MRPS11: variants seen among roughly 807,000 people sequenced by gnomAD.
MRPS11 encodes mitochondrial ribosomal protein S11, also known as small ribosomal subunit protein uS11m.
In MRPS11, 27 loss-of-function variants were observed where a neutral mutation model predicts 24.3. The observed-to-expected ratio is 1.11, with a 90% CI of 0.82 to 1.53. MRPS11 has a LOEUF of 1.53. Among genes scored for constraint, MRPS11 ranks in the 40% most tolerant of loss-of-function variants. MRPS11 has a pLI of 0.00. For synonymous variants in MRPS11, 104 were observed against 98.7 expected, an observed-to-expected ratio of 1.05 and a Z score of -0.32; for missense variants, 277 against 256.5, an observed-to-expected ratio of 1.08 and a Z score of -0.55.
At chr15:88,470,825 A>G (rs1190468049) in intron 2 of MRPS11, among the ~76,000 whole-genome samples, 1 of 152,214 alleles carries the variant, frequency 6.6e-6, no homozygotes, top group Non-Finnish European at 1.5e-5. Context: ...GGGCTCTGCT[A>G]TAAGGGAATA....
Position 88,475,837 on chromosome 15 carries a change from G to T in MRPS11, c.411+598G>T, listed in dbSNP as rs1319052575. ...CTGGGCGTGGTGGTGCGCGCCTGTA[G>T]TCCCAGGTACTCGGGAGGCTGAGGC... On this transcript the variant is annotated intron_variant, in intron 4 of 5. Transcript: ENST00000325844. This position sits in a 1 kb window ranked among gnomAD's most constrained non-coding sequence, Gnocchi z 4.1. Among the ~76,000 whole-genome samples the T allele has an allele frequency of 6.6e-6, 1 of 152,088 alleles. No individual in the cohort carries two copies. Among genetic ancestry groups the T allele is most frequent in the Non-Finnish European group, 1.5e-5 (1 of 68,014 alleles).
At chr15:88,470,574 AT>A (rs1252052095) in intron 2 of MRPS11, among the ~76,000 whole-genome samples, 1 of 152,158 alleles carries the variant, frequency 6.6e-6, no homozygotes, top group African/African-American at 2.4e-5. Flanking sequence ...AGGAGAGAAC[AT>A]TTGTTTTTTA....
chr15:88,471,627 A>G lies in MRPS11; in HGVS notation c.183-1000A>G, dbSNP rs1439269044. On this transcript the variant is annotated intron_variant, in intron 2 of 5. Coordinates refer to ENST00000325844, the MANE Select transcript of MRPS11 (RefSeq NM_022839.5). The stretch of plus-strand genomic sequence containing the variant: ...TTGCTAACCCTATTTCCCTATTGGT[A>G]CCTAATTTTCACCATCTGAAAATAA... 2.6e-5 allele frequency among the ~76,000 whole-genome samples: 4 copies of G among 152,194 alleles called. No individual in the cohort carries two copies. The East Asian group carries it at 7.7e-4, about 29-fold the overall frequency.
chr15:88,477,817 C>G lies in MRPS11; in HGVS notation c.478-55C>G. On this transcript the variant is annotated intron_variant, in intron 5 of 5. Coordinates refer to ENST00000325844, the MANE Select transcript of MRPS11 (RefSeq NM_022839.5). The surrounding 1 kb of genome is among the most constrained non-coding windows in gnomAD (Gnocchi z 5.7). ...CCTCTCCGAACCCTGCCTGGAGACA[C>G]TGGATCATCATTTCTGGGACCATGT... 1 of 1,527,698 alleles carries G rather than the reference C, an allele frequency of 6.5e-7. No individual in the cohort carries two copies. Among genetic ancestry groups the G allele is most frequent in the Non-Finnish European group, 9.1e-7 (1 of 1,104,768 alleles). 94.6% of individuals were successfully genotyped at this position (1,527,698 alleles called of 1,614,324 possible). A position where few individuals can be genotyped will look rare whatever the true frequency, so the allele number is the denominator to read the frequency against.
rs570012884 is a variant in MRPS11 at position 88,475,382 on chromosome 15, G to A, written c.411+143G>A. ...CTTTGATGCCCTGATTGGAGCATTG[G>A]TTTGAAAAGGTTTAGTGAAAGGCTC... On this transcript the variant is annotated intron_variant, in intron 4 of 5. Transcript: ENST00000325844. This position sits in a 1 kb window ranked among gnomAD's most constrained non-coding sequence, Gnocchi z 4.1. 1.7e-4 allele frequency: 201 copies of A among 1,203,968 alleles called. 1 individual carries two copies. In the African/African-American group the frequency reaches 3.0e-3, roughly 18 times the overall value. 74.6% of individuals were successfully genotyped at this position (1,203,968 alleles called of 1,614,324 possible).
chr15:88,471,711 C>T (rs768042304), intron 2 of MRPS11, among the ~76,000 whole-genome samples: 1 of 152,148 alleles, frequency 6.6e-6, no homozygotes, highest in Non-Finnish European at 1.5e-5. Context: ...AATAAGTTAA[C>T]TTATTAGAGA....
intron 4 of MRPS11, chr15:88,476,742 T>A (rs1412721905): frequency 2.4e-6 from 1 of 413,282 alleles, no homozygotes; most frequent in East Asian, 3.8e-5. Context: ...TTTAGAAATT[T>A]CCATTAGGTG....
At chr15:88,473,458 A>G (rs774708085) in intron 3 of MRPS11, among the ~76,000 whole-genome samples, 8 of 152,270 alleles carry the variant, frequency 5.3e-5, no homozygotes, top group Non-Finnish European at 8.8e-5. Flanking sequence ...TGTGTGGCAC[A>G]GATGAAATGC....
chr15:88,480,086 G>C lies in MRPS11; in HGVS notation c.*2107G>C, dbSNP rs1244713555. The C allele has an allele frequency of 1.3e-5, 2 of 152,302 alleles. No homozygotes were observed. The highest frequency in any genetic ancestry group is 4.8e-5 in the African/African-American group (2 of 41,468). The allele number at this position is 152,302 out of a possible 1,614,324, so 9.4% of individuals were successfully genotyped here. On this transcript the variant is annotated 3_prime_UTR_variant, in exon 6 of 6. Coordinates refer to ENST00000325844, the MANE Select transcript of MRPS11 (RefSeq NM_022839.5). This position sits in a 1 kb window ranked among gnomAD's most constrained non-coding sequence, Gnocchi z 5.1. ...GGCTGATCCCAAAAGGAAGCAAAAA[G>C]GAAGGGAACTCAGTGTTGTGGTACT...
rs112151406 is a variant in MRPS11 at position 88,477,798 on chromosome 15, C to T, written c.478-74C>T. ...TTCTCTACGCCACCCTGTCCCTCTC[C>T]GAACCCTGCCTGGAGACACTGGATC... On this transcript the variant is annotated intron_variant, in intron 5 of 5. Transcript: ENST00000325844. This position sits in a 1 kb window ranked among gnomAD's most constrained non-coding sequence, Gnocchi z 5.7. The T allele has an allele frequency of 8.6e-4, 1,201 of 1,392,478 alleles. 20 individuals are homozygous for T. In the African/African-American group the frequency reaches 0.016, roughly 18 times the overall value. The allele number at this position is 1,392,478 out of a possible 1,614,324, so 86.3% of individuals were successfully genotyped here.
At chr15:88,468,409 T>C (rs1308667878) in intron 2 of MRPS11, 25 of 1,088,562 alleles carry the variant, frequency 2.3e-5, no homozygotes, top group African/African-American at 3.3e-5. Flanking sequence ...CTGCACGTCT[T>C]ACGGATGGTC....
At chr15:88,472,066 G>A in intron 2 of MRPS11, among the ~76,000 whole-genome samples, 1 of 152,332 alleles carries the variant, frequency 6.6e-6, no homozygotes, top group East Asian at 1.9e-4. Flanking sequence ...TTGGGATATA[G>A]TGGAAGAGTT....
In MRPS11 at chr15:88,475,439, GTGAAGCCCTTGTTGGTTCATTC is replaced by G; in HGVS notation, c.411+202_411+223del. 6.6e-6 allele frequency among the ~76,000 whole-genome samples: 1 copy of G among 152,330 alleles called. No homozygotes were observed. Among genetic ancestry groups the G allele is most frequent in the Admixed American group, 6.5e-5 (1 of 15,308 alleles). ...TTTCTTTCTCTCAGCTTCATTAGAG[GTGAAGCCCTTGTTGGTTCATTC>G]TAGGATGTAAGAGCCAAGATACCAA... On this transcript the variant is annotated intron_variant, in intron 4 of 5. Transcript: ENST00000325844. The surrounding 1 kb of genome is among the most constrained non-coding windows in gnomAD (Gnocchi z 4.1).
chr15:88,467,922 G>C lies in MRPS11; in HGVS notation c.80G>C (p.Arg27Thr). 3.1e-6 allele frequency: 5 copies of C among 1,613,698 alleles called. No individual in the cohort carries two copies. The highest frequency in any genetic ancestry group is 4.2e-6 in the Non-Finnish European group (5 of 1,179,984). ...TTTCTTCCCAGCAGGGTCGTGGCCA[G>C]AACGCCGGCCGGGACCATCTGCACA... ...WPQTAGRVVA[R>T]TPAGTICTGA... The change falls in exon 2 of 6, where the codon AGA (arginine) becomes ACA (threonine). Residue 27 changes from arginine to threonine, a missense_variant. Coordinates refer to ENST00000325844, the MANE Select transcript of MRPS11 (RefSeq NM_022839.5).
In MRPS11 at chr15:88,469,516, C is replaced by T. The variant is rs62024335; in HGVS notation, c.182+1492C>T. 3.3e-5 allele frequency among the ~76,000 whole-genome samples: 5 copies of T among 152,106 alleles called. No homozygotes were observed. The highest frequency in any genetic ancestry group is 7.4e-5 in the Non-Finnish European group (5 of 68,010). On this transcript the variant is annotated intron_variant, in intron 2 of 5. Coordinates refer to ENST00000325844, the MANE Select transcript of MRPS11 (RefSeq NM_022839.5). The surrounding 1 kb of genome is among the most constrained non-coding windows in gnomAD (Gnocchi z 4.4). ...TTGGAAAGGGGAAGTGGGGGTCAAG[C>T]AGGCCTGCATAGCCACATTCTGTAG... is the stretch of plus-strand genomic sequence containing the variant.
rs188684642 is a variant in MRPS11 at position 88,470,788 on chromosome 15, T to A, written c.183-1839T>A. 3.2e-3 allele frequency among the ~76,000 whole-genome samples: 486 copies of A among 152,338 alleles called. 3 individuals are homozygous for A. Among genetic ancestry groups the A allele is most frequent in the South Asian group, 0.011 (54 of 4,830 alleles). On this transcript the variant is annotated intron_variant, in intron 2 of 5. Transcript: ENST00000325844. ...AGAGGATAGGAAGAAACAGCAAGTA[T>A]AGTCAGTACCTTAAAGTTCCTTAAG...
At chr15:88,474,408 A>T (rs2055777176) in intron 3 of MRPS11, among the ~76,000 whole-genome samples, 1 of 152,058 alleles carries the variant, frequency 6.6e-6, no homozygotes, top group Admixed American at 6.5e-5. Flanking sequence ...AAAAATACAA[A>T]ATTAGCCAGG....
chr15:88,476,916 T>C, intron 4 of MRPS11, 73 bp from the exon 5 acceptor site: 7 of 1,482,730 alleles, frequency 4.7e-6, no homozygotes, highest in Non-Finnish European at 6.5e-6. Context: ...CCCCTTGCTC[T>C]AGGAGGCAGT....
chr15:88,477,817 C>A lies in MRPS11; in HGVS notation c.478-55C>A. The A allele has an allele frequency of 6.5e-7, 1 of 1,527,696 alleles. No individual in the cohort carries two copies. The highest frequency in any genetic ancestry group is 9.1e-7 in the Non-Finnish European group (1 of 1,104,766). 94.6% of individuals were successfully genotyped at this position (1,527,696 alleles called of 1,614,324 possible). ...CCTCTCCGAACCCTGCCTGGAGACA[C>A]TGGATCATCATTTCTGGGACCATGT... On this transcript the variant is annotated intron_variant, in intron 5 of 5. Coordinates refer to ENST00000325844, the MANE Select transcript of MRPS11 (RefSeq NM_022839.5). The surrounding 1 kb of genome is among the most constrained non-coding windows in gnomAD (Gnocchi z 5.7).
Sources: gnomAD v4.1 joint callset for allele counts (sites outside exome capture counted in the v4.1 genomes callset) on GRCh38, gnomAD v4.1.1 for gene constraint, Gnocchi (gnomAD v3.1) non-coding constraint, MANE v1.5 for transcripts, NCBI Gene and HGNC (gene_info 2026-07-23, HGNC 2026-07-21) for gene names.